NHSL2: variants seen among roughly 807,000 people sequenced by gnomAD.
The protein encoded by NHSL2 is NHS-like protein 2.
Under a neutral mutation model 53.4 loss-of-function variants are expected in NHSL2, and 27 were observed. The observed-to-expected ratio is 0.51, with a 90% CI of 0.37 to 0.70. NHSL2 has a LOEUF of 0.70. Among genes scored for constraint, NHSL2 ranks in the 30% least tolerant of loss-of-function variants. The pLI is 0.00. For synonymous variants in NHSL2, 408 were observed against 404.1 expected, an observed-to-expected ratio of 1.01 and a Z score of -0.12; for missense variants, 892 against 980.1, an observed-to-expected ratio of 0.91 and a Z score of 1.20.
chrX:72,139,144 G>T lies in NHSL2; in HGVS notation c.1596G>T (p.Glu532Asp). 1 of 1,173,252 alleles carries T rather than the reference G, an allele frequency of 8.5e-7. No homozygotes were observed. The highest frequency in any genetic ancestry group is 1.1e-6 in the Non-Finnish European group (1 of 875,654). ...CALPFASTSS[E>D]GSNSADNIAS... ...TGCCTTTTGCCAGTACGAGCTCTGA[G>T]GGCAGTAACAGTGCTGACAACATTG... The change falls in exon 6 of 8, where the codon GAG (glutamate) becomes GAT (aspartate). Residue 532 changes from glutamate to aspartate, a missense_variant. By Grantham distance (45) the Glu-to-Asp change is conservative (BLOSUM62 2). Transcript: ENST00000633930.
chrX:72,111,553 A>G (rs2042093719), intron 1 of NHSL2, among the ~76,000 whole-genome samples: 1 of 112,370 alleles, frequency 8.9e-6, no homozygotes, highest in South Asian at 3.7e-4. Flanking sequence ...GTCTTAGCTC[A>G]GTGAAGAGAC....
intron 1 of NHSL2, among the ~76,000 whole-genome samples, chrX:72,000,103 C>T (rs73634898): frequency 1.9e-3 from 214 of 111,646 alleles, no homozygotes; most frequent in African/African-American, 6.3e-3. Flanking sequence ...TTTATATATA[C>T]GTTTGTGCAT....
At chrX:72,134,785 G>A (rs1442554132) in intron 4 of NHSL2, 81 bp downstream of exon 4, 2 of 728,147 alleles carry the variant, frequency 2.7e-6, no homozygotes, top group East Asian at 7.1e-5. Context: ...GGGTATTGGG[G>A]GAGGGAAGTG....
chrX:72,045,716 T>C (rs2042302053), intron 1 of NHSL2, among the ~76,000 whole-genome samples: 1 of 112,200 alleles, frequency 8.9e-6, no homozygotes, highest in Non-Finnish European at 1.9e-5. Context: ...AGACAGGCCT[T>C]GGCCAGGCAG....
rs148209486 is a variant in NHSL2 at position 71,942,849 on chromosome X, A to G, written c.280+31482A>G. Reference sequence around the variant, plus strand: ...GTCTGCGTTGGGAATTGTCTAATAGACATAGTAATCTGTGTGGTCAACTGT... The same window carrying G: ...GTCTGCGTTGGGAATTGTCTAATAGGCATAGTAATCTGTGTGGTCAACTGT... On this transcript the variant is annotated intron_variant, in intron 1 of 7. Transcript: ENST00000633930. Among the ~76,000 whole-genome samples, 61 of 111,144 alleles carry G rather than the reference A, an allele frequency of 5.5e-4. No homozygotes were observed. The East Asian group carries it at 0.015, about 27-fold the overall frequency.
chrX:72,017,817 T>C (rs1029706501), intron 1 of NHSL2, among the ~76,000 whole-genome samples: 7 of 112,257 alleles, frequency 6.2e-5, no homozygotes, highest in Non-Finnish European at 1.3e-4. Context: ...AAGTACAAAG[T>C]GATGTATGGA....
rs1008822599 is a variant in NHSL2, at chrX:72,147,295, G to A, written c.*3721G>A. Reference sequence around the variant, plus strand: ...GGGCCAGGACTAGGGTGAGGTGAGCGAGGCACCTAGGGCGTAAAATTCAAA... The same window carrying A: ...GGGCCAGGACTAGGGTGAGGTGAGCAAGGCACCTAGGGCGTAAAATTCAAA... On this transcript the variant is annotated 3_prime_UTR_variant, in exon 8 of 8. Transcript: ENST00000633930. 1 of 111,981 alleles carries A rather than the reference G, an allele frequency of 8.9e-6. No homozygotes were observed. The highest frequency in any genetic ancestry group is 9.4e-5 in the Admixed American group (1 of 10,590). The allele number at this position is 111,981 out of a possible 1,213,427, so 9.2% of individuals were successfully genotyped here. A position where few individuals can be genotyped will look rare whatever the true frequency, so the allele number is the denominator to read the frequency against.
At chrX:72,084,273 C>T (rs2041816218) in intron 1 of NHSL2, among the ~76,000 whole-genome samples, 1 of 112,364 alleles carries the variant, frequency 8.9e-6, no homozygotes, top group Admixed American at 9.4e-5. Flanking sequence ...ACTATCACAG[C>T]TCCTGGTGTC....
rs1253184630 is a variant in NHSL2 at position 72,144,278 on chromosome X, A to G, written c.*704A>G. 1 of 62,825 alleles carries G rather than the reference A, an allele frequency of 1.6e-5. No homozygotes were observed. Among genetic ancestry groups the G allele is most frequent in the African/African-American group, 7.0e-5 (1 of 14,187 alleles). The allele number at this position is 62,825 out of a possible 1,213,427, so 5.2% of individuals were successfully genotyped here. A position where few individuals can be genotyped will look rare whatever the true frequency, so the allele number is the denominator to read the frequency against. On this transcript the variant is annotated 3_prime_UTR_variant, in exon 8 of 8. Transcript: ENST00000633930. ...GCCCCCCCACCCACCCCCATTAGCT[A>G]GAAAAGACCAGGACTGGGTTGCTTT...
At chrX:72,141,145 T>C (rs2042415725) in intron 6 of NHSL2, 1 of 131,781 alleles carries the variant, frequency 7.6e-6, no homozygotes, top group South Asian at 3.2e-4. Context: ...TTTCATTGGC[T>C]GCAGTGAATT....
chrX:72,017,254 T>C (rs1275635470), intron 1 of NHSL2, among the ~76,000 whole-genome samples: 1 of 112,421 alleles, frequency 8.9e-6, no homozygotes, highest in Non-Finnish European at 1.9e-5. Flanking sequence ...GACATAATAC[T>C]CTCCAGTTCT....
At chrX:71,953,337 C>T (rs749001299) in intron 1 of NHSL2, among the ~76,000 whole-genome samples, 60 of 111,971 alleles carry the variant, frequency 5.4e-4, no homozygotes, top group Non-Finnish European at 1.1e-3. Flanking sequence ...GGATGGGACA[C>T]GAATTAGTAT....
At chrX:72,045,904 C>A (rs1256328463) in intron 1 of NHSL2, among the ~76,000 whole-genome samples, 1 of 112,132 alleles carries the variant, frequency 8.9e-6, no homozygotes, top group Non-Finnish European at 1.9e-5. Flanking sequence ...CTGAGAACTT[C>A]CCAGTGCCAA....
At chrX:72,012,015 A>AC (rs2042118046) in intron 1 of NHSL2, among the ~76,000 whole-genome samples, 1 of 111,825 alleles carries the variant, frequency 8.9e-6, no homozygotes, top group Admixed American at 9.5e-5. Flanking sequence ...CATTTTAGAT[A>AC]CCAGTCCTTT....
At chrX:72,119,253 T>C (rs2042163700) in intron 1 of NHSL2, among the ~76,000 whole-genome samples, 2 of 112,160 alleles carry the variant, frequency 1.8e-5, no homozygotes, top group Admixed American at 9.4e-5. Flanking sequence ...TTGACTGTTC[T>C]GGGTCCCCTT....
intron 1 of NHSL2, among the ~76,000 whole-genome samples, chrX:72,060,910 C>T (rs188911332): frequency 2.7e-5 from 3 of 113,186 alleles, no homozygotes; most frequent in East Asian, 5.5e-4. Context: ...ACATGAATAA[C>T]TCTGGGGGCT....
At chrX:72,030,148 C>A (rs1333402496) in intron 1 of NHSL2, among the ~76,000 whole-genome samples, 1 of 112,185 alleles carries the variant, frequency 8.9e-6, no homozygotes, top group Non-Finnish European at 1.9e-5. Flanking sequence ...CAGCACTGAC[C>A]CTAGCCACAG....
rs751021316 is a variant in NHSL2 at position 72,003,028 on chromosome X, C to T, written c.280+91661C>T. Among the ~76,000 whole-genome samples, 12 of 110,134 alleles carry T rather than the reference C, an allele frequency of 1.1e-4. No individual in the cohort carries two copies. In the South Asian group the frequency reaches 4.7e-3, roughly 43 times the overall value. On this transcript the variant is annotated intron_variant, in intron 1 of 7. Coordinates refer to ENST00000633930, the MANE Select transcript of NHSL2 (RefSeq NM_001013627.3). ...TATGCGCACAGAGATTGTGCTATTC[C>T]CTCATGCTGTCACTGGTGGTACTGA...
At chrX:71,934,263 T>C (rs921733192) in intron 1 of NHSL2, among the ~76,000 whole-genome samples, 4 of 112,330 alleles carry the variant, frequency 3.6e-5, no homozygotes, top group Non-Finnish European at 7.5e-5. Context: ...TTGCACACTC[T>C]GAACATTGTA....
Sources: allele counts gnomAD v4.1 joint callset (sites outside exome capture counted in the v4.1 genomes callset), GRCh38; gene constraint gnomAD v4.1.1; transcripts MANE v1.5; gene names NCBI Gene and HGNC (gene_info 2026-07-23, HGNC 2026-07-21).